Variants in CCDC93 observed in about 807,000 individuals in gnomAD.
CCDC93 encodes the protein coiled-coil domain-containing protein 93.
A neutral mutation model predicts 108.2 loss-of-function variants in CCDC93; 61 were observed. That is an observed-to-expected ratio of 0.56 (90% confidence interval 0.46 to 0.70). CCDC93 has a LOEUF of 0.70. CCDC93 is among the 30% of genes least tolerant of loss of function. The pLI is 0.00. For missense variants in CCDC93, 685 were observed against 764.2 expected (o/e 0.90, Z 1.22); for synonymous variants, 276 against 260.4 (o/e 1.06, Z -0.58).
intron 1 of CCDC93, 186 bp from the exon 2 acceptor site, chr2:118,008,844 A>G: frequency 3.5e-6 from 2 of 574,152 alleles, no homozygotes; most frequent in Non-Finnish European, 6.2e-6. Context: ...TTGGAGTCAC[A>G]AATGGGTCCG....
At chr2:117,957,476 A>G (rs1679257104) in intron 12 of CCDC93, among the ~76,000 whole-genome samples, 1 of 152,174 alleles carries the variant, frequency 6.6e-6, no homozygotes, top group Non-Finnish European at 1.5e-5. Context: ...AGACTATTGC[A>G]TCAGCCTCCT....
chr2:117,988,559 C>T (rs923741242), intron 6 of CCDC93, among the ~76,000 whole-genome samples: 2 of 152,182 alleles, frequency 1.3e-5, no homozygotes, highest in Admixed American at 1.3e-4. Context: ...CAGCCCAAAC[C>T]CAACTCCAAC....
chr2:118,008,614 T>C lies in CCDC93; in HGVS notation c.87A>G (p.Glu29=). 6.2e-7 allele frequency: 1 copy of C among 1,613,730 alleles called. No individual in the cohort carries two copies. The highest frequency in any genetic ancestry group is 8.5e-7 in the Non-Finnish European group (1 of 1,179,690). The change falls in exon 2 of 24, where the codon GAA becomes GAG. Residue 29 remains glutamate, a synonymous_variant. Transcript: ENST00000376300. ...CAGCTGCAACCAAGAGCTCCAGAAT[T>C]TCAGTCAACTTGACATTTTGTTCTT... ...EDEEQNVKLT[E]ILELLVAAGY...
At chr2:117,929,260 TA>T (rs1195512611) in intron 23 of CCDC93, among the ~76,000 whole-genome samples, 3 of 151,870 alleles carry the variant, frequency 2.0e-5, no homozygotes, top group Non-Finnish European at 2.9e-5. Context: ...TAAAGTATAA[TA>T]AAAAAAAGAA....
At chr2:117,928,726 G>T (rs552412249) in intron 23 of CCDC93, among the ~76,000 whole-genome samples, 1 of 152,144 alleles carries the variant, frequency 6.6e-6, no homozygotes, top group East Asian at 1.9e-4. Context: ...TCTAGAACTA[G>T]AAATACCATT....
At chr2:117,952,137 A>G (rs1036727966) in intron 13 of CCDC93, among the ~76,000 whole-genome samples, 1 of 151,842 alleles carries the variant, frequency 6.6e-6, no homozygotes, top group African/African-American at 2.4e-5. Flanking sequence ...CGCAGCCCAC[A>G]GAGACCCCTC....
chr2:117,954,564 C>T (rs1679158696), intron 12 of CCDC93, among the ~76,000 whole-genome samples: 1 of 152,168 alleles, frequency 6.6e-6, no homozygotes, highest in Admixed American at 6.5e-5. Context: ...TCATCATTAA[C>T]CCCTACACTT....
intron 2 of CCDC93, 97 bp downstream of exon 2, chr2:118,008,448 A>G (rs10864966): frequency 0.99 from 716,167 of 722,204 alleles, 355,348 homozygotes; most frequent in East Asian, 1. Flanking sequence ...CAGACATGGA[A>G]GAAGTTAAAA....
intron 12 of CCDC93, 27 bp from the exon 13 acceptor site, chr2:117,952,462 G>A (rs1439958766): frequency 6.0e-6 from 9 of 1,503,716 alleles, no homozygotes; most frequent in African/African-American, 1.4e-5. Flanking sequence ...AAAGACATAT[G>A]CTCTCATTTG....
intron 11 of CCDC93, among the ~76,000 whole-genome samples, chr2:117,972,240 C>T (rs917717035): frequency 1.1e-4 from 16 of 152,192 alleles, no homozygotes; most frequent in African/African-American, 3.4e-4. Flanking sequence ...AATCTTGGCA[C>T]GGCTTCCTGT....
At chr2:117,974,822 T>C (rs1328560828) in intron 10 of CCDC93, 28 bp downstream of exon 10, 3 of 1,548,882 alleles carry the variant, frequency 1.9e-6, no homozygotes, top group Non-Finnish European at 2.6e-6. Flanking sequence ...CAAGTCCCCA[T>C]CCCCACACCT....
intron 6 of CCDC93, among the ~76,000 whole-genome samples, chr2:117,993,202 C>G (rs969123715): frequency 6.6e-6 from 1 of 152,090 alleles, no homozygotes; most frequent in African/African-American, 2.4e-5. Context: ...CGAGACCATC[C>G]TGGCTAACAC....
chr2:117,917,213 G>C lies in CCDC93; in HGVS notation c.*3130C>G, dbSNP rs1414532324. 6.5e-6 allele frequency: 1 copy of C among 152,686 alleles called. No individual in the cohort carries two copies. The highest frequency in any genetic ancestry group is 6.5e-5 in the Admixed American group (1 of 15,280). 9.5% of individuals were successfully genotyped at this position (152,686 alleles called of 1,614,324 possible). On this transcript the variant is annotated 3_prime_UTR_variant, in exon 24 of 24. Coordinates refer to ENST00000376300, the MANE Select transcript of CCDC93 (RefSeq NM_019044.5). Reference sequence around the variant, plus strand: ...AATATGAGGGCACAGGTTAGAGCCAGGGCTCACTGTCCGGAGTGCCCTTTC... The same window carrying C: ...AATATGAGGGCACAGGTTAGAGCCACGGCTCACTGTCCGGAGTGCCCTTTC...
chr2:117,969,973 T>G (rs1679710756), intron 11 of CCDC93, among the ~76,000 whole-genome samples: 1 of 152,144 alleles, frequency 6.6e-6, no homozygotes, highest in Non-Finnish European at 1.5e-5. Context: ...ACATTCTTAC[T>G]GAAAGGCCCC....
intron 5 of CCDC93, 51 bp from the exon 6 acceptor site, chr2:117,995,553 T>C (rs1680618853): frequency 1.5e-6 from 2 of 1,333,604 alleles, no homozygotes. Context: ...AAATTAAAAC[T>C]CAAGTGGACC....
At chr2:118,009,857 G>C (rs1438131674) in intron 1 of CCDC93, among the ~76,000 whole-genome samples, 1 of 152,058 alleles carries the variant, frequency 6.6e-6, no homozygotes, top group African/African-American at 2.4e-5. Flanking sequence ...TAATAGGATT[G>C]CCTTAAAAAT....
In CCDC93 at chr2:117,917,490, AG is replaced by A. The variant is rs1677722836; in HGVS notation, c.*2852del. The A allele has an allele frequency of 6.5e-6, 1 of 152,674 alleles. No homozygotes were observed. Among genetic ancestry groups the A allele is most frequent in the Non-Finnish European group, 1.5e-5 (1 of 68,068 alleles). 9.5% of individuals were successfully genotyped at this position (152,674 alleles called of 1,614,324 possible). ...GACTCAGCGGACACTGGCAGGACCC[AG>A]CTATCCTGAAAATATTAAGGGCTAC... On this transcript the variant is annotated 3_prime_UTR_variant, in exon 24 of 24. Transcript: ENST00000376300.
Position 117,931,101 on chromosome 2 carries a change from T to C in CCDC93, c.1778A>G (p.Asp593Gly). ...CTTTTCTAACAGCTCCAAGTACTGG[T>C]CGTTCAACTGGTCTCTTCTCATTTT... ...ENKMRRDQLN[D>G]QYLELLEKQR... Residue 593 changes from aspartate to glycine, a missense_variant, in exon 23 of 24, where the codon GAC (aspartate) becomes GGC (glycine). Transcript: ENST00000376300. 1 of 1,614,034 alleles carries C rather than the reference T, an allele frequency of 6.2e-7. No individual in the cohort carries two copies. The highest frequency in any genetic ancestry group is 1.1e-5 in the South Asian group (1 of 91,078).
intron 11 of CCDC93, among the ~76,000 whole-genome samples, chr2:117,962,335 C>A (rs1679422920): frequency 6.6e-6 from 1 of 152,144 alleles, no homozygotes; most frequent in Non-Finnish European, 1.5e-5. Flanking sequence ...ATTTTTGGTA[C>A]CCTGACTGAC....
Sources: gnomAD v4.1 joint callset for allele counts (sites outside exome capture counted in the v4.1 genomes callset) on GRCh38, gnomAD v4.1.1 for gene constraint, MANE v1.5 for transcripts, NCBI Gene and HGNC (gene_info 2026-07-23, HGNC 2026-07-21) for gene names.